The following TLE5 variants were observed in gnomAD, a reference collection of about 807,000 sequenced individuals.
TLE5 encodes TLE family member 5, transcriptional modulator.
Under a neutral mutation model 25.8 loss-of-function variants are expected in TLE5, and 7 were observed. The ratio of observed to expected loss-of-function variants is 0.27; its 90% CI spans 0.15 to 0.51. The LOEUF (loss-of-function observed/expected upper bound fraction) is 0.51, where lower values mean the gene tolerates loss of function less well. TLE5 is among the 20% of genes least tolerant of loss of function. The pLI, the probability that TLE5 is intolerant of heterozygous loss-of-function variation, is 0.97. For synonymous variants in TLE5, 132 were observed against 110.5 expected, an observed-to-expected ratio of 1.20 and a Z score of -1.22; for missense variants, 149 against 250.7, an observed-to-expected ratio of 0.59 and a Z score of 2.74.
chr19:3,057,466 G>A (rs530547988), intron 3 of TLE5: 3 of 566,266 alleles, frequency 5.3e-6, no homozygotes, highest in Admixed American at 3.1e-5. Context: ...GCAACCCGGC[G>A]GTTTGGCACC....
chr19:3,061,473 G>C (rs1178132920), intron 1 of TLE5: 1 of 370,932 alleles, frequency 2.7e-6, no homozygotes, highest in Non-Finnish European at 4.9e-6. Context: ...GAGCCGCCCC[G>C]TCCCCCGCCA....
At chr19:3,062,603 C>T, upstream of TLE5, 1 of 1,054,210 alleles carries the variant, frequency 9.5e-7, no homozygotes, top group Non-Finnish European at 1.1e-6. Flanking sequence ...CCTGCGGATC[C>T]CCACGCCGGC....
chr19:3,058,211 T>C (rs2090236680), intron 2 of TLE5, among the ~76,000 whole-genome samples: 1 of 151,920 alleles, frequency 6.6e-6, no homozygotes, highest in African/African-American at 2.4e-5. Flanking sequence ...TATAGTAACA[T>C]TATAGGAACA....
chr19:3,056,362 TGG>T lies in TLE5; in HGVS notation c.190-8_190-7del. Reference sequence around the variant, plus strand: ...CCGTAGGACATCTCGTAGTACTGTATGGGGGAGAGAGAGGGGGAGCGGGAGAT... The same window carrying T: ...CCGTAGGACATCTCGTAGTACTGTATGGGAGAGAGAGGGGGAGCGGGAGAT... On this transcript the variant is annotated splice_region_variant and splice_polypyrimidine_tract_variant and intron_variant, in intron 3 of 6. Transcript: ENST00000327141. The T allele has an allele frequency of 2.0e-6, 2 of 1,013,462 alleles. No homozygotes were observed. Among genetic ancestry groups the T allele is most frequent in the Non-Finnish European group, 2.6e-6 (2 of 774,780 alleles). 62.8% of individuals were successfully genotyped at this position (1,013,462 alleles called of 1,614,324 possible). A position where few individuals can be genotyped will look rare whatever the true frequency, so the allele number is the denominator to read the frequency against.
intron 1 of TLE5, 30 bp downstream of exon 1, chr19:3,062,144 G>T (rs1251189041): frequency 1.8e-6 from 2 of 1,137,556 alleles, no homozygotes; most frequent in Non-Finnish European, 2.2e-6. Flanking sequence ...GATCCGGGGT[G>T]GGGGCGCCGG....
chr19:3,061,133 G>A, intron 2 of TLE5, 27 bp downstream of exon 2: 2 of 1,558,178 alleles, frequency 1.3e-6, no homozygotes, highest in East Asian at 2.2e-5. Flanking sequence ...TTCTCGGGAC[G>A]CAGGGACCCC....
chr19:3,056,369 G>T lies in TLE5; in HGVS notation c.190-13C>A. 9.6e-7 allele frequency: 1 copy of T among 1,042,930 alleles called. No homozygotes were observed. Among genetic ancestry groups the T allele is most frequent in the Non-Finnish European group, 1.3e-6 (1 of 779,148 alleles). The allele number at this position is 1,042,930 out of a possible 1,614,324, so 64.6% of individuals were successfully genotyped here. A position where few individuals can be genotyped will look rare whatever the true frequency, so the allele number is the denominator to read the frequency against. On this transcript the variant is annotated splice_polypyrimidine_tract_variant and intron_variant, in intron 3 of 6. Coordinates refer to ENST00000327141, the MANE Select transcript of TLE5 (RefSeq NM_001130.6). Reference sequence around the variant, plus strand: ...ACATCTCGTAGTACTGTATGGGGGAGAGAGAGGGGGAGCGGGAGATGGGGG... The same window carrying T: ...ACATCTCGTAGTACTGTATGGGGGATAGAGAGGGGGAGCGGGAGATGGGGG...
At chr19:3,056,070 G>T in intron 4 of TLE5, 1 of 537,718 alleles carries the variant, frequency 1.9e-6, no homozygotes, top group South Asian at 2.5e-5. Flanking sequence ...CTGTGGGGAA[G>T]GTCTCTGCCC....
intron 4 of TLE5, 163 bp from the exon 5 acceptor site, chr19:3,055,889 G>C: frequency 1.5e-6 from 1 of 672,958 alleles, no homozygotes; most frequent in Admixed American, 3.1e-5. Context: ...TCGGGCCCGA[G>C]GGCAGCCAGT....
intron 5 of TLE5, chr19:3,055,386 AG>A (rs2090208405): frequency 3.1e-6 from 1 of 317,688 alleles, no homozygotes; most frequent in African/African-American, 2.1e-5. Context: ...GGTGCAGTTT[AG>A]GCCCATCTGA....
At chr19:3,055,932 C>T (rs1053312204) in intron 4 of TLE5, 13 of 543,614 alleles carry the variant, frequency 2.4e-5, no homozygotes, top group African/African-American at 1.5e-4. Context: ...CACCGGCTGT[C>T]GCCTGCAGCT....
chr19:3,057,272 G>A (rs1403759610), intron 3 of TLE5, among the ~76,000 whole-genome samples: 1 of 152,232 alleles, frequency 6.6e-6, no homozygotes, highest in South Asian at 2.1e-4. Context: ...CCCTCCCACA[G>A]GCTTCTTCTT....
At chr19:3,057,599 G>A (rs2090230582) in intron 3 of TLE5, 80 bp downstream of exon 3, 2 of 1,389,588 alleles carry the variant, frequency 1.4e-6, no homozygotes, top group Middle Eastern at 1.8e-4. Flanking sequence ...GGTTGAGGGA[G>A]CAGCTGCCCG....
intron 1 of TLE5, 115 bp from the exon 2 acceptor site, chr19:3,061,372 TG>T: frequency 1.4e-6 from 1 of 733,434 alleles, no homozygotes; most frequent in Non-Finnish European, 2.3e-6. Flanking sequence ...CCCCACTTCC[TG>T]GGCCCGTGTT....
intron 5 of TLE5, 166 bp downstream of exon 5, chr19:3,055,498 G>A: frequency 2.1e-6 from 1 of 477,988 alleles, no homozygotes. Context: ...CTGGCCCGGG[G>A]ATTCTTCTGC....
chr19:3,053,946 G>A lies in TLE5; in HGVS notation c.467C>T (p.Ala156Val), dbSNP rs372744230. The stretch of plus-strand genomic sequence containing the variant: ...GAGGAGGCCGGTGCCTGCGCTGACC[G>A]CCGGCAGCGAAGGCGGCTGCAGCCC... Reference protein sequence around the residue: ...PVGLQPPSLPAVSAGTGLLSL... With the variant: ...PVGLQPPSLPVVSAGTGLLSL... The change falls in exon 7 of 7, where the codon GCG (alanine) becomes GTG (valine). Residue 156 changes from alanine (A) to valine (V), a missense_variant. Physicochemically the swap from Ala to Val is moderately conservative, Grantham distance 64 (BLOSUM62 0). Transcript: ENST00000327141. 1.7e-5 allele frequency: 28 copies of A among 1,611,878 alleles called. No homozygotes were observed. Among genetic ancestry groups the A allele is most frequent in the East Asian group, 4.5e-5 (2 of 44,856 alleles).
rs1208033181 is a variant in TLE5, at chr19:3,054,140, C to T, written c.352G>A (p.Glu118Lys). 6.4e-7 allele frequency: 1 copy of T among 1,562,132 alleles called. No homozygotes were observed. Among genetic ancestry groups the T allele is most frequent in the Non-Finnish European group, 8.7e-7 (1 of 1,152,806 alleles). The change falls in exon 6 of 7, where the codon GAG becomes AAG. Residue 118 changes from glutamate to lysine, a missense_variant. Coordinates refer to ENST00000327141, the MANE Select transcript of TLE5 (RefSeq NM_001130.6). ...CATACTCGGATGATAGAGTTCAGCT[C>T]GGGAGCGGTGACCTGCTTGGCCCTC... ...IERAKQVTAP[E>K]LNSIIRQQLQ... is the part of the protein sequence containing the mutation.
At chr19:3,061,434 G>C (rs964478172) in intron 1 of TLE5, 177 bp from the exon 2 acceptor site, 3 of 431,384 alleles carry the variant, frequency 7.0e-6, no homozygotes, top group Non-Finnish European at 4.1e-6. Context: ...CGCCTCTCCC[G>C]GGGGAAGCCG....
chr19:3,061,551 C>T, intron 1 of TLE5: 1 of 237,984 alleles, frequency 4.2e-6, no homozygotes, highest in Non-Finnish European at 8.2e-6. Flanking sequence ...CCTCTACCGC[C>T]CTCCAAAGCG....
Sources: gnomAD v4.1 joint callset for allele counts (sites outside exome capture counted in the v4.1 genomes callset) on GRCh38, gnomAD v4.1.1 for gene constraint, MANE v1.5 for transcripts, NCBI Gene and HGNC (gene_info 2026-07-23, HGNC 2026-07-21) for gene names.